The following SMARCC1 variants were observed in gnomAD, a reference collection of about 807,000 sequenced individuals.
SMARCC1 encodes the protein SWI/SNF complex subunit SMARCC1.
SMARCC1 carries 43 observed loss-of-function variants against 147.4 expected under a neutral mutation model. The observed-to-expected ratio is 0.29, with a 90% CI of 0.23 to 0.38. The LOEUF is 0.38. SMARCC1 is among the 10% of genes least tolerant of loss of function. The pLI is 1.00. For synonymous variants in SMARCC1, 495 were observed against 484.4 expected (o/e 1.02, Z -0.29); for missense variants, 1,119 against 1,381.1 (o/e 0.81, Z 3.01).
intron 4 of SMARCC1, among the ~76,000 whole-genome samples, chr3:47,737,804 C>T (rs2034461820): frequency 1.3e-5 from 2 of 151,250 alleles, no homozygotes; most frequent in South Asian, 2.1e-4. Context: ...TACAGGTACC[C>T]GGAACCACGT....
intron 21 of SMARCC1, among the ~76,000 whole-genome samples, chr3:47,642,063 C>T (rs1052618368): frequency 2.0e-5 from 3 of 152,138 alleles, no homozygotes; most frequent in African/African-American, 4.8e-5. Flanking sequence ...TGTGAGCTAT[C>T]GCATCCATCC....
intron 3 of SMARCC1, among the ~76,000 whole-genome samples, chr3:47,739,979 C>T (rs1379033175): frequency 3.9e-5 from 6 of 151,988 alleles, no homozygotes; most frequent in East Asian, 3.9e-4. Context: ...TGGATTCAAG[C>T]GATTCTCCTG....
In SMARCC1 at chr3:47,766,118, G is replaced by A. The variant is rs1453897852; in HGVS notation, c.315+6699C>T. Reference sequence around the variant, plus strand: ...TCAAGATCTCCTGGAGCTGTGTCACGTAAAAAAGAAAACAAAATCTTGGAT... The same window carrying A: ...TCAAGATCTCCTGGAGCTGTGTCACATAAAAAAGAAAACAAAATCTTGGAT... On this transcript the variant is annotated intron_variant, in intron 2 of 27. Transcript: ENST00000254480. Among the ~76,000 whole-genome samples the A allele has an allele frequency of 4.6e-5, 7 of 152,026 alleles. No individual in the cohort carries two copies. The South Asian group carries it at 6.2e-4, about 14-fold the overall frequency.
intron 4 of SMARCC1, among the ~76,000 whole-genome samples, chr3:47,737,460 A>T (rs921103653): frequency 6.6e-6 from 1 of 152,188 alleles, no homozygotes; most frequent in Admixed American, 6.5e-5. Context: ...AGGTAAAATT[A>T]ATGAAGAAAA....
At chr3:47,636,834 G>GTT (rs1466758368) in intron 22 of SMARCC1, among the ~76,000 whole-genome samples, 7 of 142,140 alleles carry the variant, frequency 4.9e-5, no homozygotes, top group Non-Finnish European at 1.1e-4. Flanking sequence ...GTGTGTGTGT[G>GTT]TGTACTTAAT....
intron 2 of SMARCC1, among the ~76,000 whole-genome samples, chr3:47,770,934 T>C (rs1437845414): frequency 6.6e-6 from 1 of 152,152 alleles, no homozygotes; most frequent in African/African-American, 2.4e-5. Context: ...TTTTTTGAGA[T>C]GGAGTCTCAC....
intron 6 of SMARCC1, among the ~76,000 whole-genome samples, chr3:47,722,249 A>G (rs953955894): frequency 4.0e-5 from 6 of 151,610 alleles, no homozygotes; most frequent in Admixed American, 6.6e-5. Flanking sequence ...AAAAGAAGAA[A>G]AGGTATCTTT....
intron 5 of SMARCC1, among the ~76,000 whole-genome samples, chr3:47,735,482 C>T (rs992396990): frequency 2.0e-5 from 3 of 151,942 alleles, no homozygotes; most frequent in Non-Finnish European, 2.9e-5. Context: ...AGTGAGAAAC[C>T]ATTGTGGCCG....
intron 10 of SMARCC1, among the ~76,000 whole-genome samples, chr3:47,702,281 A>G (rs1003610411): frequency 6.6e-6 from 1 of 151,862 alleles, no homozygotes; most frequent in Non-Finnish European, 1.5e-5. Context: ...AGGGATTACA[A>G]GGGATATAGG....
chr3:47,727,501 A>C (rs7649393), intron 6 of SMARCC1, among the ~76,000 whole-genome samples: 94,965 of 151,792 alleles, frequency 0.63, 30,508 homozygotes, highest in East Asian at 0.72. Flanking sequence ...AACAAAGACT[A>C]CATCTCAAAA....
At chr3:47,657,243 A>C (rs1333284616) in intron 21 of SMARCC1, among the ~76,000 whole-genome samples, 3 of 152,218 alleles carry the variant, frequency 2.0e-5, no homozygotes, top group South Asian at 4.1e-4. Flanking sequence ...AACTTGAACA[A>C]CCCTATCCAA....
chr3:47,604,565 G>T, intron 26 of SMARCC1: 1 of 307,992 alleles, frequency 3.2e-6, no homozygotes, highest in Non-Finnish European at 6.4e-6. Context: ...AAAATGCTAC[G>T]GACAATCTTA....
chr3:47,657,847 A>T (rs757139424), intron 21 of SMARCC1, among the ~76,000 whole-genome samples: 1 of 152,068 alleles, frequency 6.6e-6, no homozygotes, highest in Non-Finnish European at 1.5e-5. Flanking sequence ...ACTTGAGAAG[A>T]ATGGAAACAT....
intron 11 of SMARCC1, among the ~76,000 whole-genome samples, chr3:47,696,814 C>T (rs138200754): frequency 2.2e-3 from 340 of 152,236 alleles, no homozygotes; most frequent in African/African-American, 7.7e-3. Flanking sequence ...TGAGCCACCG[C>T]GCCCAGCCAA....
chr3:47,645,498 T>C (rs2033107367), intron 21 of SMARCC1, among the ~76,000 whole-genome samples: 3 of 152,188 alleles, frequency 2.0e-5, no homozygotes, highest in Non-Finnish European at 4.4e-5. Context: ...CAGGGTATCA[T>C]TGTGCCACTG....
chr3:47,649,138 AAG>A (rs2033155950), intron 21 of SMARCC1, among the ~76,000 whole-genome samples: 1 of 152,240 alleles, frequency 6.6e-6, no homozygotes, highest in African/African-American at 2.4e-5. Context: ...AAATATAACA[AAG>A]AGAAAGAGAG....
chr3:47,733,320 G>A (rs1289836194), intron 5 of SMARCC1, among the ~76,000 whole-genome samples: 2 of 152,312 alleles, frequency 1.3e-5, no homozygotes, highest in East Asian at 3.9e-4. Context: ...GCTCACGCCT[G>A]CAATCCCAGC....
At chr3:47,759,571 A>AAATT (rs2034748019) in intron 2 of SMARCC1, among the ~76,000 whole-genome samples, 1 of 140,316 alleles carries the variant, frequency 7.1e-6, no homozygotes, top group Admixed American at 7.4e-5. Flanking sequence ...CAGTGAGCCA[A>AAATT]GATTCCACCA....
intron 2 of SMARCC1, 127 bp downstream of exon 2, chr3:47,772,690 A>G (rs1044350193): frequency 3.6e-6 from 3 of 834,104 alleles, no homozygotes; most frequent in Non-Finnish European, 5.5e-6. Flanking sequence ...TATAACTAAA[A>G]TTTGTTTTTT....
Sources: gnomAD v4.1 joint callset for allele counts (sites outside exome capture counted in the v4.1 genomes callset) on GRCh38, gnomAD v4.1.1 for gene constraint, MANE v1.5 for transcripts, NCBI Gene and HGNC (gene_info 2026-07-23, HGNC 2026-07-21) for gene names.